MYO7A: variants seen among roughly 807,000 people sequenced by gnomAD.
MYO7A encodes the protein myosin VIIA, also known as unconventional myosin-VIIa.
MYO7A carries 210 observed loss-of-function variants against 263.8 expected under a neutral mutation model. That is an observed-to-expected ratio of 0.80 (90% CI 0.71 to 0.89). The LOEUF (loss-of-function observed/expected upper bound fraction) is 0.89. Ranked by LOEUF, MYO7A falls within the 40% of genes least tolerant of loss-of-function variation. The pLI is 0.00. For missense variants in MYO7A, 2,820 were observed against 2,968.3 expected (o/e 0.95, Z 1.16); for synonymous variants, 1,239 against 1,197.3 (o/e 1.03, Z -0.72).
In MYO7A at chr11:77,193,078, AGTTGTTT is replaced by A. The variant is rs1565443648; in HGVS notation, c.4152+803_4152+809del. 4.6e-3 allele frequency among the ~76,000 whole-genome samples: 124 copies of A among 26,956 alleles called. 11 individuals carry two copies. Among genetic ancestry groups the A allele is most frequent in the African/African-American group, 0.027 (118 of 4,406 alleles). 17.7% of individuals were successfully genotyped at this position (26,956 alleles called of 152,430 possible). On this transcript the variant is annotated intron_variant, in intron 31 of 48. Transcript: ENST00000409709. ...TGATGGTGTTGGTGATGGTGGAGGT[AGTTGTTT>A]GTGATGGTGGAGGTAGTGATGCTGT...
In MYO7A at chr11:77,197,518, T is replaced by C. The variant is rs1398782186; in HGVS notation, c.4361T>C (p.Val1454Ala). The part of the protein sequence containing the change: ...YAQRRTDAQK[V>A]KEDVVSYARF... ...CAGAGGAGAACTGATGCCCAGAAGG[T>C]CAAAGAGGATGTGGTCAGTTATGCC... The change falls in exon 33 of 49, where the codon GTC becomes GCC. Residue 1454 changes from valine (V) to alanine (A), a missense_variant. Coordinates refer to ENST00000409709, the MANE Select transcript of MYO7A (RefSeq NM_000260.4). 1.9e-6 allele frequency: 3 copies of C among 1,607,422 alleles called. No homozygotes were observed. The South Asian group carries it at 3.4e-5, about 18-fold the overall frequency.
chr11:77,189,508 G>A, intron 28 of MYO7A, 38 bp downstream of exon 28: 2 of 1,612,426 alleles, frequency 1.2e-6, no homozygotes, highest in Non-Finnish European at 1.7e-6. Context: ...GGGAAGGGGA[G>A]CTAGGCCCTG....
chr11:77,176,058 G>A (rs1206621063), intron 18 of MYO7A, among the ~76,000 whole-genome samples: 3 of 152,184 alleles, frequency 2.0e-5, no homozygotes, highest in Non-Finnish European at 4.4e-5. Context: ...GGGACAGTGC[G>A]AGCTCCCAGT....
intron 15 of MYO7A, among the ~76,000 whole-genome samples, chr11:77,170,197 G>A (rs889939568): frequency 6.6e-6 from 1 of 152,182 alleles, no homozygotes; most frequent in Non-Finnish European, 1.5e-5. Flanking sequence ...GTGATTTTCA[G>A]TGGTGTGGTG....
intron 24 of MYO7A, 92 bp from the exon 25 acceptor site, chr11:77,182,332 T>C: frequency 6.9e-7 from 1 of 1,453,084 alleles, no homozygotes; most frequent in South Asian, 1.4e-5. Flanking sequence ...CGGGAGGGGG[T>C]GTCTCCAGCC....
intron 2 of MYO7A, among the ~76,000 whole-genome samples, chr11:77,134,460 A>ATT (rs1396241835): frequency 6.7e-6 from 1 of 148,424 alleles, no homozygotes; most frequent in Non-Finnish European, 1.5e-5. Context: ...AAAATACAAC[A>ATT]TTTTTTTTTT....
At chr11:77,159,407 A>ATGCCGTGCC in intron 9 of MYO7A, 40 bp from the exon 10 acceptor site, 1 of 426,928 alleles carries the variant, frequency 2.3e-6, no homozygotes, top group Admixed American at 2.7e-5. Flanking sequence ...CCTGTTGCCC[A>ATGCCGTGCC]CCCTCCCTCC....
At position 77,192,106 on chromosome 11, in the gene MYO7A, A is replaced by AG; in HGVS notation, c.3981dup (p.Gln1328AlafsTer56). 6.2e-7 allele frequency: 1 copy of AG among 1,613,862 alleles called. No homozygotes were observed. The highest frequency in any genetic ancestry group is 8.5e-7 in the Non-Finnish European group (1 of 1,179,882). ...GTCATGGACGCCATCTCCCAGTGCG[A>AG]GCAGTACGCCAAGGAGCAGGGCGCC... On this transcript the variant is annotated frameshift_variant, in exon 31 of 49. Transcript: ENST00000409709. LOFTEE classifies it high-confidence loss of function.
At chr11:77,207,037 C>G (rs1319028918) in intron 41 of MYO7A, 1 of 416,242 alleles carries the variant, frequency 2.4e-6, no homozygotes, top group Non-Finnish European at 4.3e-6. Context: ...GTCACTCAGG[C>G]TTGTACACCC....
Position 77,194,450 on chromosome 11 carries a change from A to G in MYO7A, c.4249A>G (p.Ile1417Val), listed in dbSNP as rs1956488489. The change falls in exon 32 of 49, where the codon ATC (isoleucine) becomes GTC (valine). Residue 1417 changes from isoleucine (I) to valine (V), a missense_variant. By Grantham distance (29) the Ile-to-Val change is conservative. Transcript: ENST00000409709. Reference sequence around the variant, plus strand: ...CCTCCTGAACCTCGTGCCCACCTACATCCCCGACCGCGAGATCACGCCCCT... The same window carrying G: ...CCTCCTGAACCTCGTGCCCACCTACGTCCCCGACCGCGAGATCACGCCCCT... Reference protein sequence around the residue: ...ERLLNLVPTYIPDREITPLKT... With the variant: ...ERLLNLVPTYVPDREITPLKT... 3 of 1,611,294 alleles carry G rather than the reference A, an allele frequency of 1.9e-6. No individual in the cohort carries two copies. Among genetic ancestry groups the G allele is most frequent in the Non-Finnish European group, 2.5e-6 (3 of 1,178,830 alleles).
In MYO7A at chr11:77,190,157, C is replaced by A; in HGVS notation, c.3750+18C>A. 1 of 1,543,992 alleles carries A rather than the reference C, an allele frequency of 6.5e-7. No individual in the cohort carries two copies. The stretch of plus-strand genomic sequence containing the variant: ...AGCTGCAGGTTCGTGCGTGTGTATG[C>A]ACGTGCTCGTGTGCATGTGTGCGCA... On this transcript the variant is annotated intron_variant, in intron 29 of 48. Transcript: ENST00000409709.
intron 9 of MYO7A, 94 bp downstream of exon 9, chr11:77,158,524 C>T: frequency 7.1e-7 from 1 of 1,415,364 alleles, no homozygotes; most frequent in Non-Finnish European, 9.4e-7. Context: ...CAGTTTCTGT[C>T]CTAGCACGTG....
chr11:77,207,449 A>G (rs755130785), intron 42 of MYO7A, 47 bp downstream of exon 42: 8 of 1,372,512 alleles, frequency 5.8e-6, no homozygotes, highest in Non-Finnish European at 7.1e-6. Context: ...TGCTGGGGCC[A>G]TAGGAACTTA....
chr11:77,202,568 G>T, intron 37 of MYO7A, 144 bp downstream of exon 37: 1 of 1,137,318 alleles, frequency 8.8e-7, no homozygotes, highest in Non-Finnish European at 1.2e-6. Flanking sequence ...GGCTGTTTCT[G>T]TCTGCCAGGA....
intron 4 of MYO7A, among the ~76,000 whole-genome samples, chr11:77,153,018 G>A (rs1446232500): frequency 6.6e-6 from 1 of 152,194 alleles, no homozygotes; most frequent in African/African-American, 2.4e-5. Context: ...CTTGTGGACA[G>A]GGAGAGGATT....
At chr11:77,135,330 G>A (rs1555047095) in intron 2 of MYO7A, among the ~76,000 whole-genome samples, 1 of 152,272 alleles carries the variant, frequency 6.6e-6, no homozygotes, top group Admixed American at 6.5e-5. Flanking sequence ...GTCTTTTTGT[G>A]ATGGCTTACT....
chr11:77,202,637 A>G, intron 37 of MYO7A, among the ~76,000 whole-genome samples: 1 of 150,980 alleles, frequency 6.6e-6, no homozygotes, highest in African/African-American at 2.4e-5. Context: ...CACTGCACCC[A>G]CCCCAGGCTG....
chr11:77,175,551 T>C, intron 18 of MYO7A, 87 bp downstream of exon 18: 1 of 1,242,398 alleles, frequency 8.0e-7, no homozygotes, highest in Admixed American at 1.7e-5. Context: ...AGGGAGGCAG[T>C]GCTGGGGCTT....
intron 24 of MYO7A, 101 bp downstream of exon 24, chr11:77,182,255 C>A: frequency 6.7e-7 from 1 of 1,500,870 alleles, no homozygotes; most frequent in Non-Finnish European, 9.1e-7. Flanking sequence ...GTGGTGGGTC[C>A]CTGGGGGCCA....
Sources: gnomAD v4.1 joint callset for allele counts (sites outside exome capture counted in the v4.1 genomes callset) on GRCh38, gnomAD v4.1.1 for gene constraint, MANE v1.5 for transcripts, NCBI Gene and HGNC (gene_info 2026-07-23, HGNC 2026-07-21) for gene names.